ARRDC5: variants seen among roughly 807,000 people sequenced by gnomAD.
ARRDC5 encodes the protein arrestin domain containing 5.
A neutral mutation model predicts 13.3 loss-of-function variants in ARRDC5; 12 were observed. That is an observed-to-expected ratio of 0.90 (90% CI 0.58 to 1.46). The LOEUF (loss-of-function observed/expected upper bound fraction) is 1.46, where lower values mean the gene tolerates loss of function less well. Among genes scored for constraint, ARRDC5 ranks in the 40% most tolerant of loss-of-function variants. ARRDC5 has a pLI of 0.00. For synonymous variants in ARRDC5, 181 were observed against 173.4 expected (o/e 1.04, Z -0.34); for missense variants, 406 against 418.7 (o/e 0.97, Z 0.26).
At chr19:4,899,365 C>T (rs1172268528) in intron 1 of ARRDC5, among the ~76,000 whole-genome samples, 2 of 151,842 alleles carry the variant, frequency 1.3e-5, no homozygotes, top group African/African-American at 2.4e-5. Flanking sequence ...CATGGTGGCT[C>T]ATGCCTGTAA....
At chr19:4,913,798 A>G in the ARRDC5 span, among the ~76,000 whole-genome samples, 1 of 142,032 alleles carries the variant, frequency 7.0e-6, no homozygotes, top group Admixed American at 7.1e-5. Flanking sequence ...GCTGTTTCCC[A>G]TGCAGTAGCT....
chr19:4,912,016 G>C, the ARRDC5 span, among the ~76,000 whole-genome samples: 68 of 152,142 alleles, frequency 4.5e-4, 2 homozygotes, highest in Non-Finnish European at 1.8e-4. Context: ...GGTTTTTGGG[G>C]GCTGGGAGGA....
chr19:4,899,870 C>A (rs1173976123), intron 1 of ARRDC5, among the ~76,000 whole-genome samples: 2 of 149,740 alleles, frequency 1.3e-5, no homozygotes, highest in Non-Finnish European at 3.0e-5. Flanking sequence ...ACCCGGGAGG[C>A]GGAGCTTGCA....
Position 4,902,693 on chromosome 19 carries a change from C to G in ARRDC5, c.133G>C (p.Val45Leu), listed in dbSNP as rs544143370. 3.7e-6 allele frequency: 6 copies of G among 1,613,914 alleles called. No homozygotes were observed. Among genetic ancestry groups the G allele is most frequent in the Non-Finnish European group, 5.1e-6 (6 of 1,179,908 alleles). The change falls in exon 1 of 3, where the codon GTG becomes CTG. Residue 45 changes from valine (V) to leucine (L), a missense_variant. Physicochemically the swap from Val to Leu is conservative, Grantham distance 32 (BLOSUM62 1). Coordinates refer to ENST00000650722, the MANE Select transcript of ARRDC5 (RefSeq NM_001080523.3). ...LVDPIVKVEL[V>L]GRGYVEWSEE... ...CTCCATTCGACGTAACCCCTTCCCA[C>G]GAGCTCCACCTTCACTATGGGGTCC...
At chr19:4,895,572 C>T (rs932735732) in intron 2 of ARRDC5, among the ~76,000 whole-genome samples, 2 of 152,092 alleles carry the variant, frequency 1.3e-5, no homozygotes, top group East Asian at 1.9e-4. Flanking sequence ...CCTCCCACCT[C>T]GACTTCCGCC....
chr19:4,904,120 G>T (rs1263363334), upstream of ARRDC5, among the ~76,000 whole-genome samples: 3 of 151,948 alleles, frequency 2.0e-5, no homozygotes, highest in Non-Finnish European at 2.9e-5. Context: ...GGGATTACGG[G>T]CATGGGGGTT....
intron 2 of ARRDC5, 149 bp from the exon 3 acceptor site, chr19:4,891,722 C>A (rs748463781): frequency 2.9e-6 from 2 of 686,630 alleles, no homozygotes; most frequent in Non-Finnish European, 2.4e-6. Flanking sequence ...CTTGGGAGGC[C>A]GAGGCGGGAG....
At position 4,890,960 on chromosome 19, in the gene ARRDC5, A is replaced by T; in HGVS notation, c.*86T>A. On this transcript the variant is annotated 3_prime_UTR_variant, in exon 3 of 3. Coordinates refer to ENST00000650722, the MANE Select transcript of ARRDC5 (RefSeq NM_001080523.3). Reference sequence around the variant, plus strand: ...CAGACAACCTGTTGCCCACTCCTCGACTCCTCTGAGAGTCACCTGTGCAAG... The same window carrying T: ...CAGACAACCTGTTGCCCACTCCTCGTCTCCTCTGAGAGTCACCTGTGCAAG... 1 of 1,202,074 alleles carries T rather than the reference A, an allele frequency of 8.3e-7. No individual in the cohort carries two copies. The highest frequency in any genetic ancestry group is 1.2e-6 in the Non-Finnish European group (1 of 864,134). 74.5% of individuals were successfully genotyped at this position (1,202,074 alleles called of 1,614,324 possible). A position where few individuals can be genotyped will look rare whatever the true frequency, so the allele number is the denominator to read the frequency against.
chr19:4,901,898 T>C (rs555743996), intron 1 of ARRDC5, among the ~76,000 whole-genome samples: 27 of 152,138 alleles, frequency 1.8e-4, no homozygotes, highest in African/African-American at 5.1e-4. Context: ...ACTATCTTTC[T>C]TTTTTTGAGA....
upstream of ARRDC5, among the ~76,000 whole-genome samples, chr19:4,904,164 G>C (rs985345092): frequency 1.3e-5 from 2 of 150,284 alleles, no homozygotes; most frequent in Non-Finnish European, 1.5e-5. Flanking sequence ...GCTAATTTTT[G>C]TTCTTTTTGT....
chr19:4,909,803 C>G, the ARRDC5 span: 1 of 439,560 alleles, frequency 2.3e-6, no homozygotes, highest in Non-Finnish European at 4.0e-6. Context: ...CCACCTAACC[C>G]TCGGGAATCG....
intron 1 of ARRDC5, among the ~76,000 whole-genome samples, chr19:4,901,722 G>C (rs1210554066): frequency 1.3e-5 from 2 of 152,086 alleles, no homozygotes; most frequent in Admixed American, 6.6e-5. Context: ...CTGCTTGACT[G>C]CTTAATACCT....
intron 2 of ARRDC5, among the ~76,000 whole-genome samples, chr19:4,893,404 G>A (rs2031584786): frequency 6.7e-6 from 1 of 149,688 alleles, no homozygotes; most frequent in Admixed American, 6.8e-5. Context: ...TACTCAGGAG[G>A]CTGAGGCAGG....
Position 4,891,413 on chromosome 19 carries a change from G to A in ARRDC5, c.620C>T (p.Thr207Met), listed in dbSNP as rs557241391. 200 of 1,613,344 alleles carry A rather than the reference G, an allele frequency of 1.2e-4. No individual in the cohort carries two copies. The highest frequency in any genetic ancestry group is 4.0e-4 in the East Asian group (18 of 44,880). Residue 207 changes from threonine (T) to methionine (M), a missense_variant, in exon 3 of 3, where the codon ACG becomes ATG. By Grantham distance (81) the Thr-to-Met change is moderately conservative. Transcript: ENST00000650722. Reference protein sequence around the residue: ...INNQTSKCIKTVVFALYAHIQ... With the variant: ...INNQTSKCIKMVVFALYAHIQ... ...GTGGGCATACAGGGCGAATACGACC[G>A]TCTTGATGCATTTGCTGGTCTGGTT...
upstream of ARRDC5, among the ~76,000 whole-genome samples, chr19:4,904,703 C>G (rs1416447321): frequency 6.6e-6 from 1 of 152,226 alleles, no homozygotes; most frequent in Non-Finnish European, 1.5e-5. Context: ...TTGTGCCCAT[C>G]AATGTCTGCG....
chr19:4,905,998 A>G (rs181728266), upstream of ARRDC5, among the ~76,000 whole-genome samples: 350 of 152,166 alleles, frequency 2.3e-3, 3 homozygotes, highest in African/African-American at 8.1e-3. Flanking sequence ...ATTTTTTGAG[A>G]CAGAGTCTCC....
At chr19:4,915,390 G>A in the ARRDC5 span, among the ~76,000 whole-genome samples, 3 of 152,196 alleles carry the variant, frequency 2.0e-5, no homozygotes, top group South Asian at 2.1e-4. Flanking sequence ...ACCGGTGGGC[G>A]TGGCTTTGTT....
chr19:4,914,466 C>T, the ARRDC5 span, among the ~76,000 whole-genome samples: 1 of 152,002 alleles, frequency 6.6e-6, no homozygotes, highest in African/African-American at 2.4e-5. Context: ...GATGGAGACC[C>T]CAGAGCAGAA....
intron 2 of ARRDC5, among the ~76,000 whole-genome samples, chr19:4,896,356 TTTTTTAC>T (rs1169763130): frequency 1.5e-4 from 15 of 98,420 alleles, no homozygotes; most frequent in Admixed American, 2.4e-4. Context: ...ATATTTTTTT[TTTTTTAC>T]ACACACACAC....
Sources: gnomAD v4.1 joint callset for allele counts (sites outside exome capture counted in the v4.1 genomes callset) on GRCh38, gnomAD v4.1.1 for gene constraint, MANE v1.5 for transcripts, NCBI Gene and HGNC (gene_info 2026-07-23, HGNC 2026-07-21) for gene names.